Variants in MEF2C observed in about 807,000 individuals in gnomAD.
MEF2C encodes the protein myocyte-specific enhancer factor 2C.
MEF2C carries 6 observed loss-of-function variants against 50.5 expected under a neutral mutation model. That is an observed-to-expected ratio of 0.12 (90% CI 0.07 to 0.23). MEF2C has a LOEUF of 0.23. Among genes scored for constraint, MEF2C ranks in the 10% least tolerant of loss-of-function variants. The probability of loss-of-function intolerance (pLI) is 1.00; values close to 1 mark genes in which losing one functional copy is unlikely to be tolerated. For missense variants in MEF2C, 276 were observed against 605.0 expected (o/e 0.46, Z 5.70); for synonymous variants, 183 against 228.0 (o/e 0.80, Z 1.78).
chr5:88,769,279 T>C (rs914571295), intron 3 of MEF2C, among the ~76,000 whole-genome samples: 2 of 152,200 alleles, frequency 1.3e-5, no homozygotes, highest in African/African-American at 4.8e-5. Flanking sequence ...TGCTCCACTA[T>C]TCTCCTGGGC....
At chr5:88,762,369 C>T (rs1433514933) in intron 3 of MEF2C, among the ~76,000 whole-genome samples, 1 of 152,166 alleles carries the variant, frequency 6.6e-6, no homozygotes, top group Non-Finnish European at 1.5e-5. Context: ...CCTCTGCCTT[C>T]TGGGTTCAAG....
At chr5:88,874,161 C>A (rs537124227) in intron 1 of MEF2C, among the ~76,000 whole-genome samples, 1 of 151,830 alleles carries the variant, frequency 6.6e-6, no homozygotes, top group Non-Finnish European at 1.5e-5. Context: ...ACTTACTAGG[C>A]GAACCTCTAA....
intron 3 of MEF2C, chr5:88,766,508 C>T (rs989706785): frequency 2.3e-5 from 6 of 262,976 alleles, no homozygotes; most frequent in African/African-American, 6.9e-5. Flanking sequence ...TATATTAATG[C>T]TATTTAAGTA....
At chr5:88,740,310 T>C in intron 6 of MEF2C, 1 of 983,216 alleles carries the variant, frequency 1.0e-6, no homozygotes, top group South Asian at 4.7e-5. Context: ...GCTTTTAACG[T>C]ACAGCACATA....
chr5:88,869,765 C>T (rs576443522), intron 1 of MEF2C, among the ~76,000 whole-genome samples: 12 of 148,932 alleles, frequency 8.1e-5, no homozygotes, highest in African/African-American at 2.7e-4. Context: ...GAAATCTTAA[C>T]GAACAAAAAT....
At chr5:88,763,402 T>C (rs1211486356) in intron 3 of MEF2C, among the ~76,000 whole-genome samples, 2 of 152,196 alleles carry the variant, frequency 1.3e-5, no homozygotes, top group Non-Finnish European at 2.9e-5. Context: ...TTCCTGTGCT[T>C]CATACTCTTT....
intron 4 of MEF2C, among the ~76,000 whole-genome samples, chr5:88,759,436 C>T (rs1025630624): frequency 2.6e-5 from 4 of 152,190 alleles, no homozygotes; most frequent in East Asian, 1.9e-4. Context: ...GAGTGGAGAT[C>T]GTGCCATTGC....
intron 1 of MEF2C, among the ~76,000 whole-genome samples, chr5:88,899,133 C>T (rs770463): frequency 0.6 from 91,125 of 152,026 alleles, 28,815 homozygotes; most frequent in African/African-American, 0.82. Flanking sequence ...CGTGTCATAA[C>T]ATAATTTTGA....
chr5:88,864,318 A>G (rs964660245), intron 1 of MEF2C, among the ~76,000 whole-genome samples: 7 of 151,368 alleles, frequency 4.6e-5, no homozygotes, highest in Non-Finnish European at 7.4e-5. Context: ...ATATACAGTT[A>G]TTATATGTTA....
chr5:88,804,523 A>ATG, intron 3 of MEF2C, 75 bp downstream of exon 3: 5 of 1,267,202 alleles, frequency 3.9e-6, no homozygotes, highest in Non-Finnish European at 5.7e-6. Context: ...TGATGTGTGT[A>ATG]TGTGTGTGTG....
intron 1 of MEF2C, among the ~76,000 whole-genome samples, chr5:88,852,234 TTTC>T (rs1360249353): frequency 1.3e-5 from 2 of 152,186 alleles, no homozygotes; most frequent in Non-Finnish European, 2.9e-5. Flanking sequence ...CTTTAAATCT[TTTC>T]TATATAATTA....
intron 2 of MEF2C, among the ~76,000 whole-genome samples, chr5:88,811,297 C>A (rs1802686152): frequency 6.6e-6 from 1 of 151,918 alleles, no homozygotes; most frequent in Non-Finnish European, 1.5e-5. Flanking sequence ...TATGTCCATG[C>A]GAAGAGGCAA....
At chr5:88,849,683 C>T (rs1055699536) in intron 1 of MEF2C, among the ~76,000 whole-genome samples, 1 of 152,010 alleles carries the variant, frequency 6.6e-6, no homozygotes, top group South Asian at 2.1e-4. Flanking sequence ...GCAGAAACTT[C>T]CAGAAATTAG....
At chr5:88,737,752 T>C in intron 6 of MEF2C, 8 of 985,410 alleles carry the variant, frequency 8.1e-6, no homozygotes, top group Non-Finnish European at 9.6e-6. Flanking sequence ...ACAATGGATC[T>C]TGAAGAGCAG....
At chr5:88,781,338 CCA>C (rs1787912713) in intron 3 of MEF2C, among the ~76,000 whole-genome samples, 5 of 152,090 alleles carry the variant, frequency 3.3e-5, no homozygotes, top group Admixed American at 2.6e-4. Flanking sequence ...AAAATAAATA[CCA>C]GTTGTATGAG....
At position 88,721,307 on chromosome 5, in the gene MEF2C, A is replaced by G. The variant is rs1057185195; in HGVS notation, c.*1297T>C. On this transcript the variant is annotated 3_prime_UTR_variant, in exon 11 of 11. Transcript: ENST00000504921. ...AGAAAGGGGCCCTGCATTTGATAAAAATGCAAAAAACAAAATAAAAATAGC... is the reference window on the plus strand; with the variant it reads ...AGAAAGGGGCCCTGCATTTGATAAAGATGCAAAAAACAAAATAAAAATAGC... 2 of 152,626 alleles carry G rather than the reference A, an allele frequency of 1.3e-5. No individual in the cohort carries two copies. Among genetic ancestry groups the G allele is most frequent in the Non-Finnish European group, 2.9e-5 (2 of 68,022 alleles). The allele number at this position is 152,626 out of a possible 1,614,324, so 9.5% of individuals were successfully genotyped here.
chr5:88,808,055 TTC>T (rs1432214933), intron 2 of MEF2C, among the ~76,000 whole-genome samples: 1 of 152,204 alleles, frequency 6.6e-6, no homozygotes. Context: ...GAAACTTTTA[TTC>T]TGTTTTATGC....
intron 4 of MEF2C, among the ~76,000 whole-genome samples, chr5:88,755,992 GATGATA>G (rs1775112053): frequency 6.6e-6 from 1 of 152,096 alleles, no homozygotes; most frequent in African/African-American, 2.4e-5. Flanking sequence ...GAAACAACTG[GATGATA>G]ATGATTATTA....
At chr5:88,803,282 A>T (rs1168660543) in intron 3 of MEF2C, among the ~76,000 whole-genome samples, 1 of 152,226 alleles carries the variant, frequency 6.6e-6, no homozygotes, top group Non-Finnish European at 1.5e-5. Context: ...TGTTTCTCTG[A>T]AATTATTTCC....
Sources: gnomAD v4.1 joint callset for allele counts (sites outside exome capture counted in the v4.1 genomes callset) on GRCh38, gnomAD v4.1.1 for gene constraint, MANE v1.5 for transcripts, NCBI Gene and HGNC (gene_info 2026-07-23, HGNC 2026-07-21) for gene names.